TAS1R2: variants seen among roughly 807,000 people sequenced by gnomAD.
TAS1R2 encodes taste 1 receptor member 2.
Under a neutral mutation model 49.3 loss-of-function variants are expected in TAS1R2, and 47 were observed. That is an observed-to-expected ratio of 0.95 (90% CI 0.75 to 1.22). The LOEUF (loss-of-function observed/expected upper bound fraction) is 1.22, where lower values mean the gene tolerates loss of function less well. TAS1R2 is among the 50% of genes most tolerant of loss of function. The pLI, the probability that TAS1R2 is intolerant of heterozygous loss-of-function variation, is 0.00. For missense variants in TAS1R2, 1,155 were observed against 1,122.1 expected, an observed-to-expected ratio of 1.03 and a Z score of -0.42; for synonymous variants, 479 against 467.9, an observed-to-expected ratio of 1.02 and a Z score of -0.31.
rs117735400 is a variant in TAS1R2 at position 18,857,862 on chromosome 1, T to C, written c.183-231A>G. 1.1e-3 allele frequency among the ~76,000 whole-genome samples: 165 copies of C among 152,168 alleles called. 3 individuals carry two copies. In the East Asian group the frequency reaches 0.03, roughly 27 times the overall value. On this transcript the variant is annotated intron_variant, in intron 1 of 5. Coordinates refer to ENST00000375371, the Ensembl canonical transcript of TAS1R2. ...GATACTGTTATCCATGTGGCCATCATCACTACTATCCCTATAACCTCCATC... is the reference window on the plus strand; with the variant it reads ...GATACTGTTATCCATGTGGCCATCACCACTACTATCCCTATAACCTCCATC...
intron 5 of TAS1R2, among the ~76,000 whole-genome samples, 165 bp from the exon 6 acceptor site, chr1:18,840,692 A>G (rs1341644816): frequency 6.6e-6 from 1 of 152,196 alleles, no homozygotes. Context: ...TGGCTCATCA[A>G]ATCCTCACAG....
exon 6 of TAS1R2, chr1:18,839,795 G>C (rs780192025): frequency 6.2e-7 from 1 of 1,614,254 alleles, no homozygotes; most frequent in South Asian, 1.1e-5. Flanking sequence ...GGTGCAGAGG[G>C]AGACGGATGA....
intron 1 of TAS1R2, among the ~76,000 whole-genome samples, chr1:18,858,615 A>C (rs72953142): frequency 0.027 from 4,053 of 152,282 alleles, 146 homozygotes; most frequent in African/African-American, 0.083. Flanking sequence ...CATCACCATC[A>C]TACTTTTTAT....
rs1194984361 is a variant in TAS1R2, at chr1:18,845,384, G to A, written c.1468-3532C>T. Among the ~76,000 whole-genome samples the A allele has an allele frequency of 3.3e-5, 5 of 152,326 alleles. 1 individual carries two copies. The South Asian group carries it at 1.0e-3, about 32-fold the overall frequency. ...GTTTTGAATGAATGGCTTGTGTATAGTGTTGTGGCCTCAACAGCTAGAATA... is the reference window on the plus strand; with the variant it reads ...GTTTTGAATGAATGGCTTGTGTATAATGTTGTGGCCTCAACAGCTAGAATA... On this transcript the variant is annotated intron_variant, in intron 4 of 5. Coordinates refer to ENST00000375371, the Ensembl canonical transcript of TAS1R2.
chr1:18,859,375 C>A lies in TAS1R2; in HGVS notation c.182+104G>T. The A allele has an allele frequency of 2.9e-6, 4 of 1,389,328 alleles. No individual in the cohort carries two copies. In the South Asian group the frequency reaches 5.1e-5, roughly 18 times the overall value. 86.1% of individuals were successfully genotyped at this position (1,389,328 alleles called of 1,614,324 possible). A position where few individuals can be genotyped will look rare whatever the true frequency, so the allele number is the denominator to read the frequency against. On this transcript the variant is annotated intron_variant, in intron 1 of 5. Coordinates refer to ENST00000375371, the Ensembl canonical transcript of TAS1R2. ...GGTTGGCAATGAATGGGGAGGAGTGCTTTAAGCCCTTGGTCCTGGTCTGGC... is the reference window on the plus strand; with the variant it reads ...GGTTGGCAATGAATGGGGAGGAGTGATTTAAGCCCTTGGTCCTGGTCTGGC...
chr1:18,851,208 C>T lies in TAS1R2; in HGVS notation c.1258-1658G>A, dbSNP rs139962266. On this transcript the variant is annotated intron_variant, in intron 3 of 5. Transcript: ENST00000375371. ...GAGGGGTGGAGAAATGTGGAGAGAG[C>T]TGTGTGGGGAAGAGCCAGACCAGTG... is the stretch of plus-strand genomic sequence containing the variant. Among the ~76,000 whole-genome samples, 4 of 152,198 alleles carry T rather than the reference C, an allele frequency of 2.6e-5. No individual in the cohort carries two copies. The East Asian group carries it at 7.7e-4, about 29-fold the overall frequency.
intron 3 of TAS1R2, among the ~76,000 whole-genome samples, chr1:18,851,704 CCCA>C (rs1228644534): frequency 6.6e-6 from 1 of 152,092 alleles, no homozygotes; most frequent in African/African-American, 2.4e-5. Flanking sequence ...CTGATCTGAC[CCCA>C]CCACCACCAT....
exon 4 of TAS1R2, chr1:18,849,426 G>C (rs1933981484): frequency 1.2e-6 from 2 of 1,614,104 alleles, no homozygotes; most frequent in Non-Finnish European, 1.7e-6. Flanking sequence ...GCTCTGGAAG[G>C]GATTCTGGCT....
intron 4 of TAS1R2, among the ~76,000 whole-genome samples, chr1:18,844,136 C>T (rs1933875459): frequency 6.6e-6 from 1 of 152,118 alleles, no homozygotes; most frequent in African/African-American, 2.4e-5. Context: ...AAGCTTTTTT[C>T]AGGGTGAATT....
intron 4 of TAS1R2, 86 bp from the exon 5 acceptor site, chr1:18,841,938 G>T (rs1469200137): frequency 7.0e-7 from 1 of 1,438,444 alleles, no homozygotes. Context: ...AGGATGTTCA[G>T]GGGAGGAAGC....
intron 4 of TAS1R2, among the ~76,000 whole-genome samples, chr1:18,842,404 A>G (rs1054378404): frequency 6.6e-6 from 1 of 152,370 alleles, no homozygotes. Flanking sequence ...AATGGGAGAC[A>G]AAAAAGGACA....
At chr1:18,853,998 G>A (rs914661573) in intron 3 of TAS1R2, among the ~76,000 whole-genome samples, 4 of 152,144 alleles carry the variant, frequency 2.6e-5, no homozygotes, top group African/African-American at 9.7e-5. Flanking sequence ...ATTTCCTTCT[G>A]GTGAATTCCA....
chr1:18,845,941 G>T (rs1173307779), intron 4 of TAS1R2, among the ~76,000 whole-genome samples: 1 of 152,178 alleles, frequency 6.6e-6, no homozygotes, highest in Non-Finnish European at 1.5e-5. Flanking sequence ...TGACAACTTT[G>T]GGTAGTGGCT....
intron 1 of TAS1R2, among the ~76,000 whole-genome samples, chr1:18,858,053 C>T (rs1301245565): frequency 1.3e-5 from 2 of 151,922 alleles, no homozygotes; most frequent in African/African-American, 2.4e-5. Flanking sequence ...CCATCATCAC[C>T]GTCACCACCA....
At chr1:18,856,407 C>T (rs1409394364) in intron 2 of TAS1R2, among the ~76,000 whole-genome samples, 1 of 152,200 alleles carries the variant, frequency 6.6e-6, no homozygotes, top group African/African-American at 2.4e-5. Context: ...CTCCTTTCCA[C>T]TGACATGCCA....
chr1:18,843,799 G>T (rs1237865112), intron 4 of TAS1R2, among the ~76,000 whole-genome samples: 1 of 152,202 alleles, frequency 6.6e-6, no homozygotes, highest in African/African-American at 2.4e-5. Context: ...TTGAGTACCT[G>T]ACCCCAGGAC....
chr1:18,841,713 G>A lies in TAS1R2; in HGVS notation c.1591+16C>T, dbSNP rs1377033301. 1 of 1,610,890 alleles carries A rather than the reference G, an allele frequency of 6.2e-7. No individual in the cohort carries two copies. Among genetic ancestry groups the A allele is most frequent in the South Asian group, 1.1e-5 (1 of 90,956 alleles). ...GGGCAGGGGCAGGGCAGGAGTGCTA[G>A]GCCTGTGAATCATACCTTCAGTGTG... On this transcript the variant is annotated intron_variant, in intron 5 of 5. Coordinates refer to ENST00000375371, the Ensembl canonical transcript of TAS1R2.
intron 4 of TAS1R2, among the ~76,000 whole-genome samples, chr1:18,842,935 TTA>T (rs1933854140): frequency 6.6e-6 from 1 of 152,206 alleles, no homozygotes; most frequent in African/African-American, 2.4e-5. Context: ...TTGGTAAATG[TTA>T]TGTTATATGT....
intron 3 of TAS1R2, among the ~76,000 whole-genome samples, chr1:18,850,348 T>C (rs1343882440): frequency 6.6e-6 from 1 of 152,244 alleles, no homozygotes; most frequent in Non-Finnish European, 1.5e-5. Flanking sequence ...AGTGTCCATT[T>C]GGCTATATCT....
Sources: gnomAD v4.1 joint callset for allele counts (sites outside exome capture counted in the v4.1 genomes callset) on GRCh38, gnomAD v4.1.1 for gene constraint, MANE v1.5 for transcripts, NCBI Gene and HGNC (gene_info 2026-07-23, HGNC 2026-07-21) for gene names.